Variants in CAB39L observed in about 807,000 individuals in gnomAD.
CAB39L encodes calcium binding protein 39 like.
A neutral mutation model predicts 39.1 loss-of-function variants in CAB39L; 23 were observed. That is an observed-to-expected ratio of 0.59 (90% CI 0.42 to 0.83). CAB39L has a LOEUF of 0.83. Ranked by LOEUF, CAB39L falls within the 40% of genes least tolerant of loss-of-function variation. The pLI is 0.00. For missense variants in CAB39L, 366 were observed against 391.9 expected, an observed-to-expected ratio of 0.93 and a Z score of 0.56; for synonymous variants, 126 against 137.2, an observed-to-expected ratio of 0.92 and a Z score of 0.57.
At chr13:49,339,063 G>A (rs1000117272) in intron 9 of CAB39L, among the ~76,000 whole-genome samples, 3 of 149,734 alleles carry the variant, frequency 2.0e-5, no homozygotes, top group Non-Finnish European at 4.4e-5. Flanking sequence ...CAGATATTAA[G>A]AATTTATCAA....
Position 49,339,697 on chromosome 13 carries a change from T to C in CAB39L, c.670A>G (p.Thr224Ala), listed in dbSNP as rs1219127392. Residue 224 changes from threonine (T) to alanine (A), a missense_variant, in exon 9 of 11, where the codon ACT becomes GCT. Coordinates refer to ENST00000409308, the MANE Select transcript of CAB39L (RefSeq NM_001079670.3). ...ATTACCTTTAAAGACTGTCTCTTAG[T>C]AACATAATTCTCAGACTGAAGCAAT... ...EKLLQSENYV[T>A]KRQSLKLLGE... 2 of 1,579,592 alleles carry C rather than the reference T, an allele frequency of 1.3e-6. No homozygotes were observed. Among genetic ancestry groups the C allele is most frequent in the Non-Finnish European group, 1.7e-6 (2 of 1,165,144 alleles).
chr13:49,376,913 A>AGATAGATAGATAGATAGATG, intron 5 of CAB39L, 54 bp downstream of exon 5: 2 of 1,408,610 alleles, frequency 1.4e-6, no homozygotes, highest in Non-Finnish European at 2.0e-6. Flanking sequence ...ATAGATAGAT[A>AGATAGATAGATAGATAGATG]GATAGATATT....
At chr13:49,351,523 T>A (rs1955356245) in intron 6 of CAB39L, among the ~76,000 whole-genome samples, 1 of 152,244 alleles carries the variant, frequency 6.6e-6, no homozygotes, top group African/African-American at 2.4e-5. Context: ...CAGATACAGC[T>A]TTGTCAGCCA....
At position 49,350,753 on chromosome 13, in the gene CAB39L, A is replaced by G. The variant is rs993718915; in HGVS notation, c.555T>C (p.Ala185=). The change falls in exon 7 of 11, where the codon GCT becomes GCC. Residue 185 remains alanine (A), a synonymous_variant. Transcript: ENST00000409308. The part of the protein sequence containing the change: ...STFDIASDAF[A]TFKDLLTRHK... Reference sequence around the variant, plus strand: ...GGAAAAAAAAAATTACCTTGAAAGTAGCAAAGGCATCTGAAGCAATATCAA... The same window carrying G: ...GGAAAAAAAAAATTACCTTGAAAGTGGCAAAGGCATCTGAAGCAATATCAA... 1.9e-6 allele frequency: 3 copies of G among 1,558,060 alleles called. No individual in the cohort carries two copies. Among genetic ancestry groups the G allele is most frequent in the Non-Finnish European group, 1.7e-6 (2 of 1,149,962 alleles).
chr13:49,346,120 T>TATATATATATATATC lies in CAB39L; in HGVS notation c.565-1883_565-1882insGATATATATATATAT, dbSNP rs10663110. Among the ~76,000 whole-genome samples, 835 of 88,448 alleles carry TATATATATATATATC rather than the reference T, an allele frequency of 9.4e-3. 76 individuals are homozygous for TATATATATATATATC. Among genetic ancestry groups the TATATATATATATATC allele is most frequent in the African/African-American group, 0.028 (630 of 22,416 alleles). 58.0% of individuals were successfully genotyped at this position (88,448 alleles called of 152,430 possible). A position where few individuals can be genotyped will look rare whatever the true frequency, so the allele number is the denominator to read the frequency against. On this transcript the variant is annotated intron_variant, in intron 7 of 10. Transcript: ENST00000409308. ...TGCTAGATATATATATATATATATA[T>TATATATATATATATC]ATATCATGGATACAGCCAATAAACA... is the stretch of plus-strand genomic sequence containing the variant.
intron 10 of CAB39L, among the ~76,000 whole-genome samples, chr13:49,326,506 C>G (rs564099634): frequency 4.6e-5 from 7 of 152,284 alleles, no homozygotes; most frequent in African/African-American, 1.7e-4. Context: ...AACAATCCAG[C>G]AAAGACATTT....
At chr13:49,443,609 G>A (rs900160663) in intron 1 of CAB39L, among the ~76,000 whole-genome samples, 1 of 152,060 alleles carries the variant, frequency 6.6e-6, no homozygotes, top group Non-Finnish European at 1.5e-5. Flanking sequence ...TTTGTCAAAG[G>A]GGGTTGATGG....
chr13:49,355,378 T>C (rs1334073674), intron 6 of CAB39L, among the ~76,000 whole-genome samples: 1 of 152,152 alleles, frequency 6.6e-6, no homozygotes, highest in Admixed American at 6.5e-5. Flanking sequence ...CAAGACCCTG[T>C]CTCGATAAAT....
intron 10 of CAB39L, among the ~76,000 whole-genome samples, chr13:49,330,265 T>C (rs1954651159): frequency 6.6e-6 from 1 of 152,176 alleles, no homozygotes; most frequent in Non-Finnish European, 1.5e-5. Context: ...TCTGGCCACT[T>C]TCCTATTATT....
intron 3 of CAB39L, among the ~76,000 whole-genome samples, chr13:49,427,283 G>A (rs1957258799): frequency 6.6e-6 from 1 of 152,130 alleles, no homozygotes; most frequent in Non-Finnish European, 1.5e-5. Flanking sequence ...AAAAAAACAT[G>A]AGTCTACAGT....
intron 5 of CAB39L, 36 bp from the exon 6 acceptor site, chr13:49,359,868 T>G: frequency 9.0e-7 from 1 of 1,112,976 alleles, no homozygotes. Context: ...AATTGTACAC[T>G]CTAAATGGAT....
At chr13:49,376,915 A>G (rs1956079076) in intron 5 of CAB39L, 52 bp downstream of exon 5, 1 of 1,424,952 alleles carries the variant, frequency 7.0e-7, no homozygotes, top group South Asian at 1.4e-5. Flanking sequence ...AGATAGATAG[A>G]TAGATATTAA....
chr13:49,403,930 A>G (rs534584364), intron 3 of CAB39L, among the ~76,000 whole-genome samples: 3 of 152,356 alleles, frequency 2.0e-5, no homozygotes, highest in African/African-American at 7.2e-5. Flanking sequence ...GTTTAAAAAA[A>G]TAAAAATGAA....
intron 1 of CAB39L, among the ~76,000 whole-genome samples, chr13:49,440,818 T>A (rs1181334070): frequency 2.3e-5 from 3 of 129,476 alleles, no homozygotes; most frequent in African/African-American, 7.9e-5. Flanking sequence ...ACATTATTGG[T>A]ATAGAAACGC....
intron 5 of CAB39L, among the ~76,000 whole-genome samples, chr13:49,374,299 T>C (rs1280984780): frequency 2.6e-5 from 4 of 152,194 alleles, no homozygotes; most frequent in Non-Finnish European, 5.9e-5. Context: ...TCTAGTATTT[T>C]ATTCTGGAGG....
At chr13:49,386,615 G>T (rs1358152398) in intron 3 of CAB39L, among the ~76,000 whole-genome samples, 1 of 151,958 alleles carries the variant, frequency 6.6e-6, no homozygotes, top group African/African-American at 2.4e-5. Context: ...GTTTAACAAT[G>T]TTTTAAAATT....
chr13:49,348,855 T>A (rs1242069171), intron 7 of CAB39L, among the ~76,000 whole-genome samples: 1 of 152,106 alleles, frequency 6.6e-6, no homozygotes, highest in Non-Finnish European at 1.5e-5. Flanking sequence ...GTCTTCTCCA[T>A]CACAACAAAT....
chr13:49,352,479 C>T (rs1032571365), intron 6 of CAB39L, among the ~76,000 whole-genome samples: 1 of 151,970 alleles, frequency 6.6e-6, no homozygotes, highest in Admixed American at 6.6e-5. Flanking sequence ...TCTGGTGGGG[C>T]GTGACTGCTC....
chr13:49,311,751 A>C (rs1953996380), intron 10 of CAB39L, among the ~76,000 whole-genome samples: 1 of 152,214 alleles, frequency 6.6e-6, no homozygotes, highest in Non-Finnish European at 1.5e-5. Flanking sequence ...AAGGATATAA[A>C]GAAAGAAAAT....
Sources: allele counts gnomAD v4.1 joint callset (sites outside exome capture counted in the v4.1 genomes callset), GRCh38; gene constraint gnomAD v4.1.1; transcripts MANE v1.5; gene names NCBI Gene and HGNC (gene_info 2026-07-23, HGNC 2026-07-21).